MBLAC2: variants seen among roughly 807,000 people sequenced by gnomAD.
MBLAC2 encodes metallo-beta-lactamase domain containing 2, also known as acyl-coenzyme A thioesterase MBLAC2.
A neutral mutation model predicts 23.3 loss-of-function variants in MBLAC2; 24 were observed. That is an observed-to-expected ratio of 1.03 (90% CI 0.75 to 1.45). The LOEUF is 1.45. Ranked by LOEUF, MBLAC2 falls within the 40% of genes most tolerant of loss-of-function variation. MBLAC2 has a pLI of 0.00. For synonymous variants in MBLAC2, 162 were observed against 150.9 expected (o/e 1.07, Z -0.54); for missense variants, 358 against 370.0 (o/e 0.97, Z 0.27).
chr5:90,467,448 CTTCT>C (rs1371571925), intron 1 of MBLAC2, among the ~76,000 whole-genome samples: 3 of 151,992 alleles, frequency 2.0e-5, no homozygotes, highest in African/African-American at 2.4e-5. Flanking sequence ...CTCTTTTTGT[CTTCT>C]TTAACTGCTG....
rs914086439 is a variant in MBLAC2, at chr5:90,458,631, G to C, written c.*2536C>G. 5.3e-5 allele frequency: 8 copies of C among 152,218 alleles called. No individual in the cohort carries two copies. The highest frequency in any genetic ancestry group is 5.2e-4 in the Admixed American group (8 of 15,292). 9.4% of individuals were successfully genotyped at this position (152,218 alleles called of 1,614,324 possible). On this transcript the variant is annotated 3_prime_UTR_variant, in exon 2 of 2. Transcript: ENST00000316610. ...TTATTCTTGGCACACACGGCATCTTGGAAAGTAAAAATACATCTTGCCAAT... is the reference window on the plus strand; with the variant it reads ...TTATTCTTGGCACACACGGCATCTTCGAAAGTAAAAATACATCTTGCCAAT...
chr5:90,472,143 T>A (rs1237115053), intron 1 of MBLAC2, among the ~76,000 whole-genome samples: 1 of 152,232 alleles, frequency 6.6e-6, no homozygotes, highest in Non-Finnish European at 1.5e-5. Flanking sequence ...CCTATCATTC[T>A]CTCACCTTTG....
At chr5:90,467,851 T>C (rs1750476136) in intron 1 of MBLAC2, among the ~76,000 whole-genome samples, 1 of 152,216 alleles carries the variant, frequency 6.6e-6, no homozygotes, top group South Asian at 2.1e-4. Context: ...ATTTCAAAGT[T>C]TTCTTTCATG....
intron 1 of MBLAC2, chr5:90,472,558 CAAAT>C (rs1750574304): frequency 6.6e-6 from 1 of 151,884 alleles, no homozygotes; most frequent in Non-Finnish European, 1.5e-5. Flanking sequence ...TAAAATATCT[CAAAT>C]GAAGATGTCA....
chr5:90,474,401 G>A lies in MBLAC2; in HGVS notation c.-109C>T, dbSNP rs1271179943. On this transcript the variant is annotated 5_prime_UTR_variant, in exon 1 of 2. Coordinates refer to ENST00000316610, the MANE Select transcript of MBLAC2 (RefSeq NM_203406.2). ...TGTGAAGCGGTCTGCCTGCAGCCAG[G>A]GAGGAGGCGTAGAGCGAGGCGGGGG... The A allele has an allele frequency of 1.2e-5, 12 of 1,028,452 alleles. No homozygotes were observed. In the East Asian group the frequency reaches 1.5e-4, roughly 13 times the overall value. 63.7% of individuals were successfully genotyped at this position (1,028,452 alleles called of 1,614,324 possible).
At position 90,459,604 on chromosome 5, in the gene MBLAC2, C is replaced by A. The variant is rs556052928; in HGVS notation, c.*1563G>T. ...AGTTCACACCCCTCCATTTATGTCC[C>A]TTACACGCATGTATAATGTACATTA... On this transcript the variant is annotated 3_prime_UTR_variant, in exon 2 of 2. Transcript: ENST00000316610. The A allele has an allele frequency of 1.3e-5, 2 of 152,216 alleles. No homozygotes were observed. Among genetic ancestry groups the A allele is most frequent in the South Asian group, 4.1e-4 (2 of 4,822 alleles). The allele number at this position is 152,216 out of a possible 1,614,324, so 9.4% of individuals were successfully genotyped here.
At chr5:90,472,308 T>C (rs1285412783) in intron 1 of MBLAC2, 1 of 152,252 alleles carries the variant, frequency 6.6e-6, no homozygotes, top group Admixed American at 6.5e-5. Flanking sequence ...ATGTTACCTC[T>C]AAAAGTACCC....
chr5:90,465,043 G>T (rs987744985), intron 1 of MBLAC2, among the ~76,000 whole-genome samples: 3 of 152,078 alleles, frequency 2.0e-5, no homozygotes, highest in African/African-American at 7.2e-5. Context: ...AGAGAGTAAG[G>T]TCTCACAGAT....
intron 1 of MBLAC2, among the ~76,000 whole-genome samples, 168 bp from the exon 2 acceptor site, chr5:90,461,720 T>C (rs959275975): frequency 6.6e-6 from 1 of 152,252 alleles, no homozygotes; most frequent in Non-Finnish European, 1.5e-5. Context: ...CTATAGTTCA[T>C]TCCTATTGTT....
chr5:90,464,036 A>C (rs1247315416), intron 1 of MBLAC2, among the ~76,000 whole-genome samples: 3 of 152,244 alleles, frequency 2.0e-5, no homozygotes, highest in Non-Finnish European at 2.9e-5. Flanking sequence ...AAGTGATCCA[A>C]GAAGAAATGA....
At chr5:90,463,576 G>A (rs764034374) in intron 1 of MBLAC2, among the ~76,000 whole-genome samples, 25 of 152,146 alleles carry the variant, frequency 1.6e-4, no homozygotes, top group Non-Finnish European at 1.9e-4. Flanking sequence ...ATATCAAAAT[G>A]TATAGAATAC....
At chr5:90,465,394 T>C (rs1305954475) in intron 1 of MBLAC2, among the ~76,000 whole-genome samples, 1 of 152,170 alleles carries the variant, frequency 6.6e-6, no homozygotes, top group Non-Finnish European at 1.5e-5. Context: ...ACTGACTGTC[T>C]CAATATCACT....
Position 90,462,821 on chromosome 5 carries a change from T to C in MBLAC2, c.455-1269A>G, listed in dbSNP as rs1435157765. ...CTGTGTAATTCATAAAATAAGTAAATAGAAAATCAATAAGGATATGGAAGA... is the reference window on the plus strand; with the variant it reads ...CTGTGTAATTCATAAAATAAGTAAACAGAAAATCAATAAGGATATGGAAGA... On this transcript the variant is annotated intron_variant, in intron 1 of 1. Transcript: ENST00000316610. Among the ~76,000 whole-genome samples the C allele has an allele frequency of 2.0e-5, 3 of 151,958 alleles. No individual in the cohort carries two copies. The East Asian group carries it at 5.8e-4, about 29-fold the overall frequency.
chr5:90,463,193 T>C (rs1368952009), intron 1 of MBLAC2, among the ~76,000 whole-genome samples: 1 of 152,224 alleles, frequency 6.6e-6, no homozygotes, highest in Non-Finnish European at 1.5e-5. Flanking sequence ...AAACAATTCT[T>C]GTGCCTCAGC....
intron 1 of MBLAC2, chr5:90,473,431 C>A (rs1256294320): frequency 5.7e-6 from 3 of 525,664 alleles, no homozygotes; most frequent in Non-Finnish European, 1.0e-5. Flanking sequence ...GACATGCACT[C>A]TCCGTGAGGG....
Position 90,473,937 on chromosome 5 carries a change from C to T in MBLAC2, c.356G>A (p.Trp119Ter). Reference sequence around the variant, plus strand: ...CCGCACCACCTCGCTATCGGAAAGCCAGGTCACGGTCTCAAAGTTGTCCCC... The same window carrying T: ...CCGCACCACCTCGCTATCGGAAAGCTAGGTCACGGTCTCAAAGTTGTCCCC... ...ARGDNFETVT[W>*]LSDSEVVRTP... Residue 119 changes from tryptophan to a stop codon, truncating the protein, a stop_gained, in exon 1 of 2, where the codon TGG becomes TAG. Transcript: ENST00000316610. LOFTEE classifies it high-confidence loss of function. 2 of 1,604,918 alleles carry T rather than the reference C, an allele frequency of 1.2e-6. No homozygotes were observed. The highest frequency in any genetic ancestry group is 1.7e-6 in the Non-Finnish European group (2 of 1,176,516).
chr5:90,471,085 G>A (rs1310275816), intron 1 of MBLAC2, among the ~76,000 whole-genome samples: 1 of 152,154 alleles, frequency 6.6e-6, no homozygotes, highest in Non-Finnish European at 1.5e-5. Flanking sequence ...GTATAAAACT[G>A]TTAACTTAGT....
intron 1 of MBLAC2, chr5:90,473,295 G>A (rs1001839506): frequency 1.4e-5 from 3 of 208,498 alleles, no homozygotes; most frequent in African/African-American, 7.1e-5. Context: ...TATCTGAAAG[G>A]TTTCCAATCG....
intron 1 of MBLAC2, among the ~76,000 whole-genome samples, chr5:90,471,524 T>C (rs189322697): frequency 1.6e-3 from 248 of 152,302 alleles, no homozygotes; most frequent in Non-Finnish European, 3.0e-3. Flanking sequence ...CTGGAAGATA[T>C]GGCTATTCTC....
Sources: gnomAD v4.1 joint callset for allele counts (sites outside exome capture counted in the v4.1 genomes callset) on GRCh38, gnomAD v4.1.1 for gene constraint, MANE v1.5 for transcripts, NCBI Gene and HGNC (gene_info 2026-07-23, HGNC 2026-07-21) for gene names.